NRG1: variants seen among roughly 807,000 people sequenced by gnomAD.
NRG1 encodes pro-neuregulin-1, membrane-bound isoform.
A neutral mutation model predicts 63.8 loss-of-function variants in NRG1; 18 were observed. The ratio of observed to expected loss-of-function variants is 0.28; its 90% CI spans 0.19 to 0.42. The LOEUF (loss-of-function observed/expected upper bound fraction) is 0.42. Among genes scored for constraint, NRG1 ranks in the 10% least tolerant of loss-of-function variants. NRG1 has a pLI of 1.00. For missense variants in NRG1, 762 were observed against 814.7 expected (o/e 0.94, Z 0.79); for synonymous variants, 302 against 301.3 (o/e 1.00, Z -0.02).
chr8:31,766,871 A>T (rs1380639421), intron 1 of NRG1, among the ~76,000 whole-genome samples: 1 of 152,228 alleles, frequency 6.6e-6, no homozygotes, highest in Non-Finnish European at 1.5e-5. Context: ...AGAACGTGAC[A>T]TCTCATATGT....
At chr8:32,105,881 CT>C (rs1831194634) in intron 1 of NRG1, among the ~76,000 whole-genome samples, 1 of 152,100 alleles carries the variant, frequency 6.6e-6, no homozygotes, top group Admixed American at 6.6e-5. Context: ...AACATGGCCA[CT>C]TTGTATGACA....
intron 1 of NRG1, among the ~76,000 whole-genome samples, chr8:31,920,207 C>T (rs889852418): frequency 3.3e-5 from 5 of 151,850 alleles, no homozygotes; most frequent in East Asian, 1.9e-4. Flanking sequence ...ATTTGCTTAG[C>T]GTAGATTAGA....
At chr8:32,123,717 C>T (rs1833763007) in intron 1 of NRG1, among the ~76,000 whole-genome samples, 1 of 150,506 alleles carries the variant, frequency 6.6e-6, no homozygotes, top group South Asian at 2.1e-4. Flanking sequence ...TAATTTATAA[C>T]TTATTAAGTC....
intron 1 of NRG1, among the ~76,000 whole-genome samples, chr8:32,081,574 CTG>C (rs1465148339): frequency 1.3e-5 from 2 of 152,104 alleles, no homozygotes; most frequent in Non-Finnish European, 2.9e-5. Flanking sequence ...AGAATTGAAA[CTG>C]GCAGAAGATA....
At chr8:32,387,992 A>T (rs2129483764) in intron 1 of NRG1, among the ~76,000 whole-genome samples, 1 of 152,318 alleles carries the variant, frequency 6.6e-6, no homozygotes, top group Middle Eastern at 3.4e-3. Flanking sequence ...GGAAAAAAAC[A>T]AAAACAGACT....
chr8:32,604,922 A>G (rs1246207568), intron 2 of NRG1, among the ~76,000 whole-genome samples: 1 of 152,168 alleles, frequency 6.6e-6, no homozygotes, highest in Admixed American at 6.5e-5. Context: ...GTTTTATAAA[A>G]CTATGTGATA....
In NRG1 at chr8:31,936,063, T is replaced by A. The variant is rs894853605; in HGVS notation, c.37+296632T>A. Among the ~76,000 whole-genome samples, 8 of 152,076 alleles carry A rather than the reference T, an allele frequency of 5.3e-5. No homozygotes were observed. In the East Asian group the frequency reaches 1.2e-3, roughly 22 times the overall value. On this transcript the variant is annotated intron_variant, in intron 1 of 10. Coordinates refer to the NRG1 transcript ENST00000519301. ...CCAATAGAAGATGGAAAGGCAGCAG[T>A]CACGGTCACAAAAAAAGGGTCCAGA... is the stretch of plus-strand genomic sequence containing the variant.
At chr8:32,636,950 T>C (rs1162653335) in intron 5 of NRG1, among the ~76,000 whole-genome samples, 1 of 152,038 alleles carries the variant, frequency 6.6e-6, no homozygotes, top group African/African-American at 2.4e-5. Flanking sequence ...CAAGTGGAGG[T>C]TACTAAATGT....
At chr8:31,690,891 A>C (rs543610843) in intron 1 of NRG1, among the ~76,000 whole-genome samples, 1 of 152,314 alleles carries the variant, frequency 6.6e-6, no homozygotes, top group Non-Finnish European at 1.5e-5. Context: ...GATGGTGAGA[A>C]GACAATCTCC....
chr8:32,324,696 T>C (rs1051155966), intron 1 of NRG1, among the ~76,000 whole-genome samples: 6 of 152,136 alleles, frequency 3.9e-5, no homozygotes, highest in Admixed American at 2.0e-4. Context: ...AAATAAAAAA[T>C]TGGAAAATTT....
At chr8:32,528,873 T>C (rs1230880140) in intron 1 of NRG1, among the ~76,000 whole-genome samples, 1 of 152,244 alleles carries the variant, frequency 6.6e-6, no homozygotes, top group Admixed American at 6.5e-5. Flanking sequence ...ATTCCAGTCC[T>C]GGACTCAATT....
At chr8:32,473,793 C>G (rs1824139794) in intron 1 of NRG1, among the ~76,000 whole-genome samples, 1 of 152,172 alleles carries the variant, frequency 6.6e-6, no homozygotes, top group African/African-American at 2.4e-5. Context: ...CATTGATCTT[C>G]CTGCTTCAAC....
chr8:32,009,243 C>G (rs370333863), intron 1 of NRG1, among the ~76,000 whole-genome samples: 20 of 152,208 alleles, frequency 1.3e-4, no homozygotes, highest in African/African-American at 4.8e-4. Flanking sequence ...TTGCTTCCAT[C>G]ATTCCCCTAC....
At chr8:32,463,871 ATTCTTTTTTTTTTTTTTTTTTTT>A (rs1221652087) in intron 1 of NRG1, among the ~76,000 whole-genome samples, 12 of 80,598 alleles carry the variant, frequency 1.5e-4, no homozygotes, top group African/African-American at 4.7e-4. Flanking sequence ...AAAACTTAGA[ATTCTTTTTTTTTTTTTTTTTTTT>A]TTTTTTTTTT....
intron 1 of NRG1, among the ~76,000 whole-genome samples, chr8:32,380,584 T>A (rs1810225424): frequency 6.6e-6 from 1 of 152,098 alleles, no homozygotes; most frequent in South Asian, 2.1e-4. Context: ...TCTCCTCCAA[T>A]CCTGGTCCAC....
At chr8:32,396,403 G>C (rs1812442806) in intron 1 of NRG1, among the ~76,000 whole-genome samples, 1 of 152,102 alleles carries the variant, frequency 6.6e-6, no homozygotes, top group Admixed American at 6.6e-5. Context: ...TTTTCACATA[G>C]AGATCTTGTA....
intron 1 of NRG1, among the ~76,000 whole-genome samples, chr8:31,714,909 A>G (rs915436284): frequency 2.0e-5 from 3 of 152,204 alleles, no homozygotes; most frequent in Admixed American, 6.5e-5. Flanking sequence ...TAACTTTAGT[A>G]GCCTTGTGAT....
chr8:32,696,942 G>A (rs185163989), intron 5 of NRG1, among the ~76,000 whole-genome samples: 165 of 152,264 alleles, frequency 1.1e-3, no homozygotes, highest in African/African-American at 3.4e-3. Flanking sequence ...GATTACAGGC[G>A]TGAGCCACCG....
chr8:32,738,133 T>G (rs575214990), intron 6 of NRG1, among the ~76,000 whole-genome samples: 1 of 152,196 alleles, frequency 6.6e-6, no homozygotes, highest in African/African-American at 2.4e-5. Context: ...TCTGACAGAA[T>G]GTGATCAGTG....
Sources: allele counts gnomAD v4.1 joint callset (sites outside exome capture counted in the v4.1 genomes callset), GRCh38; gene constraint gnomAD v4.1.1; transcripts MANE v1.5; gene names NCBI Gene and HGNC (gene_info 2026-07-23, HGNC 2026-07-21).